The following PIWIL1 variants were observed in gnomAD, a reference collection of about 807,000 sequenced individuals.
PIWIL1 encodes piwi-like protein 1.
Under a neutral mutation model 114.4 loss-of-function variants are expected in PIWIL1, and 73 were observed. That is an observed-to-expected ratio of 0.64 (90% confidence interval 0.53 to 0.78). The LOEUF is 0.78. Among genes scored for constraint, PIWIL1 ranks in the 30% least tolerant of loss-of-function variants. PIWIL1 has a pLI of 0.00. For synonymous variants in PIWIL1, 375 were observed against 369.0 expected (o/e 1.02, Z -0.19); for missense variants, 723 against 1,063.1 (o/e 0.68, Z 4.45).
intron 5 of PIWIL1, 21 bp downstream of exon 5, chr12:130,346,605 T>C: frequency 6.3e-7 from 1 of 1,578,664 alleles, no homozygotes; most frequent in South Asian, 1.1e-5. Flanking sequence ...AAAAGGGAGA[T>C]GGGGGATTTC....
chr12:130,367,159 A>C lies in PIWIL1; in HGVS notation c.2222A>C (p.Lys741Thr). ...YNPRLTVIVV[K>T]KRVNTRFFAQ... ...CCTAGACTAACGGTAATTGTGGTGA[A>C]GAAAAGAGTGAACACCAGATTTTTT... The change falls in exon 19 of 21, where the codon AAG (lysine) becomes ACG (threonine). Residue 741 changes from lysine (K) to threonine (T), a missense_variant. Physicochemically the swap from Lys to Thr is moderately conservative, Grantham distance 78 (BLOSUM62 -1). Transcript: ENST00000245255. 6.2e-7 allele frequency: 1 copy of C among 1,614,184 alleles called. No individual in the cohort carries two copies. The highest frequency in any genetic ancestry group is 2.2e-5 in the East Asian group (1 of 44,882).
At chr12:130,401,909 G>A in the PIWIL1 span, among the ~76,000 whole-genome samples, 3 of 152,062 alleles carry the variant, frequency 2.0e-5, no homozygotes, top group Non-Finnish European at 2.9e-5. Flanking sequence ...ACACATCTCC[G>A]CTGGTGTCAT....
chr12:130,414,320 G>T, the PIWIL1 span: 1 of 1,569,064 alleles, frequency 6.4e-7, no homozygotes, highest in South Asian at 1.2e-5. Flanking sequence ...CGAGCAAGTG[G>T]GGGTGAAGAA....
chr12:130,395,393 T>G, the PIWIL1 span, among the ~76,000 whole-genome samples: 26 of 152,214 alleles, frequency 1.7e-4, no homozygotes, highest in African/African-American at 6.3e-4. Flanking sequence ...ACTTAAGCAC[T>G]TTCTTGTCCT....
chr12:130,377,689 G>A, the PIWIL1 span, among the ~76,000 whole-genome samples: 1 of 152,236 alleles, frequency 6.6e-6, no homozygotes, highest in Non-Finnish European at 1.5e-5. Context: ...TGGCATAAAT[G>A]CAATGCCAGG....
At chr12:130,365,901 A>G (rs766094190) in intron 18 of PIWIL1, among the ~76,000 whole-genome samples, 5 of 152,216 alleles carry the variant, frequency 3.3e-5, no homozygotes, top group Non-Finnish European at 7.3e-5. Flanking sequence ...TGTTATATTC[A>G]GAGCTATTAG....
the PIWIL1 span, among the ~76,000 whole-genome samples, chr12:130,400,648 C>T: frequency 6.6e-6 from 1 of 152,150 alleles, no homozygotes; most frequent in Non-Finnish European, 1.5e-5. Context: ...GAGCCTACTA[C>T]ATCAAAACAC....
chr12:130,424,490 C>T, the PIWIL1 span: 2 of 1,232,186 alleles, frequency 1.6e-6, no homozygotes, highest in Non-Finnish European at 2.0e-6. This position sits in a 1 kb window ranked among gnomAD's most constrained non-coding sequence, Gnocchi z 9.8. Context: ...GCGACTCGTC[C>T]TCTTCACTCC....
chr12:130,360,086 G>A (rs972042617), intron 14 of PIWIL1, among the ~76,000 whole-genome samples: 3 of 152,172 alleles, frequency 2.0e-5, no homozygotes, highest in African/African-American at 7.2e-5. Context: ...CAGCCACATT[G>A]CAATGAGTTG....
chr12:130,392,108 A>G, the PIWIL1 span, among the ~76,000 whole-genome samples: 10 of 64,842 alleles, frequency 1.5e-4, no homozygotes, highest in Non-Finnish European at 1.9e-4. Flanking sequence ...TGAATATTGA[A>G]CGTTGTGATG....
intron 2 of PIWIL1, 93 bp from the exon 3 acceptor site, chr12:130,342,897 G>A: frequency 1.2e-6 from 1 of 857,502 alleles, no homozygotes; most frequent in East Asian, 2.5e-5. Context: ...TTAGATAGGT[G>A]TTGGTTGAAT....
the PIWIL1 span, chr12:130,425,145 A>T: frequency 3.2e-6 from 1 of 309,974 alleles, no homozygotes; most frequent in Non-Finnish European, 5.9e-6. Flanking sequence ...GGCAGGTGAG[A>T]TCCCGGCGGC....
the PIWIL1 span, among the ~76,000 whole-genome samples, chr12:130,381,184 C>A: frequency 2.0e-5 from 3 of 152,170 alleles, no homozygotes; most frequent in African/African-American, 7.2e-5. Flanking sequence ...ATTGCCTGTG[C>A]CCTTCCCTTT....
chr12:130,355,780 C>A, intron 12 of PIWIL1, 113 bp downstream of exon 12: 1 of 750,570 alleles, frequency 1.3e-6, no homozygotes, highest in Non-Finnish European at 2.3e-6. Context: ...CCGAGTAAGG[C>A]AGTTTTTAAA....
chr12:130,390,042 A>G, the PIWIL1 span, among the ~76,000 whole-genome samples: 1 of 152,358 alleles, frequency 6.6e-6, no homozygotes, highest in African/African-American at 2.4e-5. Context: ...AGCTCCTAAC[A>G]TGAACCCCAA....
At chr12:130,353,041 G>A (rs1489102922) in intron 9 of PIWIL1, among the ~76,000 whole-genome samples, 1 of 152,204 alleles carries the variant, frequency 6.6e-6, no homozygotes, top group African/African-American at 2.4e-5. Context: ...GTAGTAGGTG[G>A]CCAGGACCTT....
chr12:130,361,035 T>A, intron 14 of PIWIL1, 145 bp from the exon 15 acceptor site: 1 of 662,564 alleles, frequency 1.5e-6, no homozygotes, highest in Non-Finnish European at 2.6e-6. Flanking sequence ...TCCTACTGAT[T>A]AGCTGTGTGG....
At chr12:130,424,098 T>G in the PIWIL1 span, 7 of 1,023,790 alleles carry the variant, frequency 6.8e-6, no homozygotes, top group South Asian at 5.0e-5. The surrounding 1 kb of genome is among the most constrained non-coding windows in gnomAD (Gnocchi z 9.8). Context: ...ATGGGACAGA[T>G]TGGTTTGGCA....
chr12:130,342,254 C>A, intron 1 of PIWIL1: 1 of 304,968 alleles, frequency 3.3e-6, no homozygotes, highest in Non-Finnish European at 6.2e-6. Flanking sequence ...AAAGAAAGAA[C>A]CAGCCACCAG....
Sources: allele counts gnomAD v4.1 joint callset (sites outside exome capture counted in the v4.1 genomes callset), GRCh38; gene constraint gnomAD v4.1.1; non-coding constraint Gnocchi (gnomAD v3.1); transcripts MANE v1.5; gene names NCBI Gene and HGNC (gene_info 2026-07-23, HGNC 2026-07-21).